The following ELAVL1 variants were observed in gnomAD, a reference collection of about 807,000 sequenced individuals.
ELAVL1 encodes the protein ELAV-like protein 1.
ELAVL1 carries 1 observed loss-of-function variant against 28.4 expected under a neutral mutation model. The ratio of observed to expected loss-of-function variants is 0.04; its 90% CI spans 0.01 to 0.17. The LOEUF is 0.17. Ranked by LOEUF, ELAVL1 falls within the 10% of genes least tolerant of loss-of-function variation. The pLI is 1.00. For synonymous variants in ELAVL1, 174 were observed against 183.5 expected, an observed-to-expected ratio of 0.95 and a Z score of 0.42; for missense variants, 157 against 447.2, an observed-to-expected ratio of 0.35 and a Z score of 5.85.
chr19:7,987,519 G>A (rs974942564), intron 2 of ELAVL1, among the ~76,000 whole-genome samples: 3 of 152,160 alleles, frequency 2.0e-5, no homozygotes, highest in African/African-American at 7.2e-5. Flanking sequence ...ACCAGGGCCA[G>A]GCCAGCCAGA....
At position 7,991,807 on chromosome 19, in the gene ELAVL1, A is replaced by G. The variant is rs1985758785; in HGVS notation, c.9T>C (p.Asn3=). 1 of 1,598,704 alleles carries G rather than the reference A, an allele frequency of 6.3e-7. No homozygotes were observed. The highest frequency in any genetic ancestry group is 8.5e-7 in the Non-Finnish European group (1 of 1,173,022). MS[N]GYEDHMAEDC... is the part of the protein sequence containing the mutation. ...CTTCGGCCATGTGGTCTTCATAACC[A>G]TTAGACATTGTATTTTTCAAAAATC... The change falls in exon 2 of 6, where the codon AAT becomes AAC. Residue 3 remains asparagine (N), a synonymous_variant. Transcript: ENST00000407627.
intron 2 of ELAVL1, among the ~76,000 whole-genome samples, chr19:7,989,203 C>T (rs569160558): frequency 5.9e-5 from 9 of 152,200 alleles, no homozygotes; most frequent in Non-Finnish European, 1.2e-4. Context: ...GCCCTGCCAG[C>T]GAAGAGGTTT....
At chr19:7,983,980 C>T (rs1985533990) in intron 2 of ELAVL1, among the ~76,000 whole-genome samples, 1 of 152,136 alleles carries the variant, frequency 6.6e-6, no homozygotes, top group African/African-American at 2.4e-5. Flanking sequence ...GTCTCCCTGG[C>T]TGTCCCTCCT....
intron 2 of ELAVL1, among the ~76,000 whole-genome samples, chr19:7,986,831 G>A (rs1985614481): frequency 2.6e-5 from 4 of 152,168 alleles, no homozygotes; most frequent in Admixed American, 2.6e-4. Flanking sequence ...TGAGAGAAGA[G>A]CCCATTCTGT....
In ELAVL1 at chr19:7,986,625, C is replaced by T. The variant is rs187127105; in HGVS notation, c.172+5019G>A. On this transcript the variant is annotated intron_variant, in intron 2 of 5. Transcript: ENST00000407627. ...TTAAAAGGTGCGCTCTCCCATCTGCCGCTTCACCGGCAGGAAGACTTTCTA... is the reference window on the plus strand; with the variant it reads ...TTAAAAGGTGCGCTCTCCCATCTGCTGCTTCACCGGCAGGAAGACTTTCTA... Among the ~76,000 whole-genome samples, 321 of 152,312 alleles carry T rather than the reference C, an allele frequency of 2.1e-3. 1 individual carries two copies. Among genetic ancestry groups the T allele is most frequent in the African/African-American group, 7.5e-3 (310 of 41,554 alleles).
intron 2 of ELAVL1, among the ~76,000 whole-genome samples, chr19:7,988,980 C>T (rs988438884): frequency 4.6e-5 from 7 of 152,176 alleles, no homozygotes; most frequent in African/African-American, 1.7e-4. Flanking sequence ...TGGTCATCAG[C>T]TGAGGGTGAA....
intron 1 of ELAVL1, among the ~76,000 whole-genome samples, chr19:7,993,751 C>T (rs1218672043): frequency 6.6e-6 from 1 of 152,128 alleles, no homozygotes; most frequent in East Asian, 1.9e-4. Flanking sequence ...TTCCCCAGAT[C>T]CCTGTTGCTC....
intron 5 of ELAVL1, among the ~76,000 whole-genome samples, chr19:7,965,080 C>T (rs539357142): frequency 1.3e-5 from 2 of 152,376 alleles, no homozygotes; most frequent in African/African-American, 2.4e-5. Context: ...GGGCAGCTCA[C>T]TAGCCCAACG....
intron 3 of ELAVL1, among the ~76,000 whole-genome samples, chr19:7,980,422 C>T (rs1296033592): frequency 6.6e-6 from 1 of 152,102 alleles, no homozygotes; most frequent in African/African-American, 2.4e-5. Context: ...AAGTGGGGCT[C>T]GGGGTTGACA....
Position 7,979,671 on chromosome 19 carries a change from AC to A in ELAVL1, c.276+1411del, listed in dbSNP as rs1467105147. Among the ~76,000 whole-genome samples the A allele has an allele frequency of 6.6e-6, 1 of 152,098 alleles. No individual in the cohort carries two copies. The highest frequency in any genetic ancestry group is 1.5e-5 in the Non-Finnish European group (1 of 67,988). The stretch of plus-strand genomic sequence containing the variant: ...CGCTTGGCTGCCCTCACCAGCCCCC[AC>A]CGGGGAAGGTGCCTCTGAGGACCTG... On this transcript the variant is annotated intron_variant, in intron 3 of 5. Transcript: ENST00000407627. The surrounding 1 kb of genome is among the most constrained non-coding windows in gnomAD (Gnocchi z 5.4).
intron 4 of ELAVL1, chr19:7,973,422 G>C (rs1985178113): frequency 4.7e-6 from 2 of 426,456 alleles, no homozygotes; most frequent in Non-Finnish European, 8.3e-6. Flanking sequence ...AGTAGAGACA[G>C]GGTTTCACCA....
rs560449422 is a variant in ELAVL1 at position 7,994,846 on chromosome 19, C to T, written c.-16-3015G>A. Among the ~76,000 whole-genome samples, 4 of 152,206 alleles carry T rather than the reference C, an allele frequency of 2.6e-5. No individual in the cohort carries two copies. The East Asian group carries it at 7.7e-4, about 29-fold the overall frequency. On this transcript the variant is annotated intron_variant, in intron 1 of 5. Coordinates refer to ENST00000407627, the MANE Select transcript of ELAVL1 (RefSeq NM_001419.3). Reference sequence around the variant, plus strand: ...ACCCATGCCTATAGTTTCAGCTACTCGGGAGACAAAGGCAGGGAGGATCGC... The same window carrying T: ...ACCCATGCCTATAGTTTCAGCTACTTGGGAGACAAAGGCAGGGAGGATCGC...
At chr19:7,986,811 A>G (rs923859150) in intron 2 of ELAVL1, among the ~76,000 whole-genome samples, 1 of 152,204 alleles carries the variant, frequency 6.6e-6, no homozygotes, top group East Asian at 1.9e-4. Context: ...AGGGAAGTTT[A>G]TCCACAGCCT....
intron 1 of ELAVL1, among the ~76,000 whole-genome samples, chr19:7,999,380 A>G (rs1257871939): frequency 6.6e-6 from 1 of 152,182 alleles, no homozygotes; most frequent in African/African-American, 2.4e-5. Context: ...CAAAAAAATA[A>G]AAAATAAAAG....
intron 1 of ELAVL1, among the ~76,000 whole-genome samples, chr19:8,000,054 A>G (rs12978737): frequency 0.23 from 35,205 of 152,086 alleles, 4,360 homozygotes; most frequent in Non-Finnish European, 0.28. Flanking sequence ...TGGGATTACA[A>G]GCATGAGCCA....
intron 1 of ELAVL1, among the ~76,000 whole-genome samples, chr19:7,999,000 G>C (rs1474343269): frequency 6.6e-6 from 1 of 152,134 alleles, no homozygotes; most frequent in Non-Finnish European, 1.5e-5. Flanking sequence ...CTGGCTTCAA[G>C]TCATCCTCCC....
chr19:8,002,201 C>A (rs896691189), intron 1 of ELAVL1: 1 of 1,162,510 alleles, frequency 8.6e-7, no homozygotes, highest in Admixed American at 2.3e-5. Flanking sequence ...CACCTCCGGG[C>A]TTGGCTGTAT....
intron 2 of ELAVL1, among the ~76,000 whole-genome samples, chr19:7,983,011 G>A (rs1413170536): frequency 6.6e-6 from 1 of 152,194 alleles, no homozygotes; most frequent in Non-Finnish European, 1.5e-5. Flanking sequence ...GCTGTAAAGT[G>A]ACTCCCACCC....
At chr19:7,966,845 G>A (rs889353354) in intron 5 of ELAVL1, among the ~76,000 whole-genome samples, 28 of 151,922 alleles carry the variant, frequency 1.8e-4, no homozygotes, top group Non-Finnish European at 4.4e-5. Flanking sequence ...GCTCAAACTC[G>A]GGGCTTCAAG....
Sources: allele counts gnomAD v4.1 joint callset (sites outside exome capture counted in the v4.1 genomes callset), GRCh38; gene constraint gnomAD v4.1.1; non-coding constraint Gnocchi (gnomAD v3.1); transcripts MANE v1.5; gene names NCBI Gene and HGNC (gene_info 2026-07-23, HGNC 2026-07-21).